The following AKAP6 variants were observed in gnomAD, a reference collection of about 807,000 sequenced individuals.
The protein encoded by AKAP6 is A-kinase anchoring protein 6.
In AKAP6, 58 loss-of-function variants were observed where a neutral mutation model predicts 188.5. That is an observed-to-expected ratio of 0.31 (90% CI 0.25 to 0.38). The LOEUF is 0.38. Ranked by LOEUF, AKAP6 falls within the 10% of genes least tolerant of loss-of-function variation. The probability of loss-of-function intolerance (pLI) is 1.00; values close to 1 mark genes in which losing one functional copy is unlikely to be tolerated. For synonymous variants in AKAP6, 989 were observed against 998.6 expected (o/e 0.99, Z 0.18); for missense variants, 2,710 against 2,740.0 (o/e 0.99, Z 0.24).
chr14:32,472,927 C>T (rs1878862121), intron 2 of AKAP6, among the ~76,000 whole-genome samples: 1 of 152,062 alleles, frequency 6.6e-6, no homozygotes, highest in African/African-American at 2.4e-5. Flanking sequence ...AATCCTAATG[C>T]TTAGAAATGT....
intron 2 of AKAP6, among the ~76,000 whole-genome samples, chr14:32,477,308 C>T (rs1594655720): frequency 6.6e-6 from 1 of 152,206 alleles, no homozygotes; most frequent in Non-Finnish European, 1.5e-5. Context: ...TACCAAGTTG[C>T]TCATTTACTT....
At chr14:32,825,007 T>C (rs533608825) in intron 13 of AKAP6, among the ~76,000 whole-genome samples, 192 bp downstream of exon 13, 1 of 151,732 alleles carries the variant, frequency 6.6e-6, no homozygotes, top group African/African-American at 2.4e-5. Flanking sequence ...ACAGGGAAAA[T>C]TGACATTCTT....
chr14:32,695,799 A>G (rs920907216), intron 8 of AKAP6, among the ~76,000 whole-genome samples, 191 bp from the exon 9 acceptor site: 16 of 152,176 alleles, frequency 1.1e-4, no homozygotes, highest in Admixed American at 4.6e-4. Context: ...CGTTTTCACA[A>G]TCTAAGAGGT....
At chr14:32,720,093 T>C (rs1012914758) in intron 9 of AKAP6, among the ~76,000 whole-genome samples, 2 of 152,222 alleles carry the variant, frequency 1.3e-5, no homozygotes, top group Non-Finnish European at 2.9e-5. Context: ...TAACCTATGA[T>C]ACATAAATTC....
intron 12 of AKAP6, among the ~76,000 whole-genome samples, chr14:32,784,797 C>CT (rs1165127387): frequency 6.6e-6 from 1 of 152,186 alleles, no homozygotes; most frequent in Non-Finnish European, 1.5e-5. Flanking sequence ...GCAGGCGTAT[C>CT]TGACTCCAAG....
chr14:32,544,146 C>CA (rs1883082223), intron 3 of AKAP6, among the ~76,000 whole-genome samples: 1 of 152,200 alleles, frequency 6.6e-6, no homozygotes, highest in Admixed American at 6.5e-5. Flanking sequence ...CCAGCAGCCA[C>CA]ATGGAATCCA....
chr14:32,519,214 C>T (rs143003435), intron 2 of AKAP6, among the ~76,000 whole-genome samples: 4,227 of 152,260 alleles, frequency 0.028, 102 homozygotes, highest in Middle Eastern at 0.044. Flanking sequence ...TGGAAAGGAA[C>T]GACCAGTACC....
intron 5 of AKAP6, among the ~76,000 whole-genome samples, chr14:32,598,534 C>T (rs1885797082): frequency 6.6e-6 from 1 of 152,084 alleles, no homozygotes; most frequent in Non-Finnish European, 1.5e-5. Flanking sequence ...CTGCAAACAT[C>T]TATTGAACAA....
At chr14:32,564,044 A>C (rs187822661) in intron 4 of AKAP6, among the ~76,000 whole-genome samples, 19 of 152,264 alleles carry the variant, frequency 1.2e-4, no homozygotes, top group Admixed American at 7.2e-4. Context: ...CCTTATGTAA[A>C]TTGTATAGTA....
chr14:32,649,768 C>T (rs1185732088), intron 7 of AKAP6, among the ~76,000 whole-genome samples: 1 of 151,870 alleles, frequency 6.6e-6, no homozygotes, highest in African/African-American at 2.4e-5. Flanking sequence ...TTGAAGTAAC[C>T]TCCATTTCAT....
chr14:32,425,010 T>C (rs1046252835), intron 1 of AKAP6, among the ~76,000 whole-genome samples: 1 of 152,032 alleles, frequency 6.6e-6, no homozygotes, highest in African/African-American at 2.4e-5. Flanking sequence ...TTCTTTTGGG[T>C]ATAGGATTGC....
At chr14:32,530,573 G>A (rs1882365980) in intron 2 of AKAP6, among the ~76,000 whole-genome samples, 1 of 152,092 alleles carries the variant, frequency 6.6e-6, no homozygotes, top group Non-Finnish European at 1.5e-5. Flanking sequence ...AAGATGTTTT[G>A]AGAGTGATTG....
intron 11 of AKAP6, among the ~76,000 whole-genome samples, chr14:32,745,416 C>G (rs1160822440): frequency 6.6e-6 from 1 of 151,992 alleles, no homozygotes; most frequent in Non-Finnish European, 1.5e-5. Flanking sequence ...CAGGCAGAGA[C>G]TCTTGTTTTT....
chr14:32,447,134 A>G (rs997279399), intron 2 of AKAP6, among the ~76,000 whole-genome samples: 4 of 152,156 alleles, frequency 2.6e-5, no homozygotes, highest in Admixed American at 2.6e-4. Context: ...TCGTCTCTCT[A>G]CTTAAAAAAC....
chr14:32,784,137 G>A (rs1460240027), intron 12 of AKAP6, among the ~76,000 whole-genome samples: 1 of 152,188 alleles, frequency 6.6e-6, no homozygotes, highest in Non-Finnish European at 1.5e-5. Flanking sequence ...AAAGGCGTAA[G>A]CAAGCACTTT....
intron 4 of AKAP6, among the ~76,000 whole-genome samples, chr14:32,572,189 G>A (rs535570580): frequency 1.2e-4 from 18 of 152,294 alleles, no homozygotes; most frequent in Non-Finnish European, 2.1e-4. Flanking sequence ...TGAGATCCAT[G>A]TTCAAATCCC....
chr14:32,826,859 G>T (rs544414269), intron 13 of AKAP6, among the ~76,000 whole-genome samples: 2 of 152,096 alleles, frequency 1.3e-5, no homozygotes. Flanking sequence ...GTTAAGCCCC[G>T]GTGATGCCTG....
intron 1 of AKAP6, among the ~76,000 whole-genome samples, chr14:32,422,907 A>G (rs768845146): frequency 2.0e-5 from 3 of 152,200 alleles, no homozygotes; most frequent in Non-Finnish European, 4.4e-5. Context: ...AAGGATTCTG[A>G]AGTAAAAATC....
intron 13 of AKAP6, among the ~76,000 whole-genome samples, chr14:32,827,068 G>A (rs1252300488): frequency 6.6e-6 from 1 of 152,054 alleles, no homozygotes; most frequent in African/African-American, 2.4e-5. Context: ...GGATAACTGG[G>A]TATAAATAGT....
Sources: allele counts gnomAD v4.1 joint callset (sites outside exome capture counted in the v4.1 genomes callset), GRCh38; gene constraint gnomAD v4.1.1; transcripts MANE v1.5; gene names NCBI Gene and HGNC (gene_info 2026-07-23, HGNC 2026-07-21).